SLC25A30: variants seen among roughly 807,000 people sequenced by gnomAD.
SLC25A30 encodes the protein kidney mitochondrial carrier protein 1.
SLC25A30 carries 29 observed loss-of-function variants against 42.7 expected under a neutral mutation model. The ratio of observed to expected loss-of-function variants is 0.68; its 90% CI spans 0.51 to 0.93. The LOEUF (loss-of-function observed/expected upper bound fraction) is 0.93, where lower values mean the gene tolerates loss of function less well. Among genes scored for constraint, SLC25A30 ranks in the 40% least tolerant of loss-of-function variants. SLC25A30 has a pLI of 0.00. For missense variants in SLC25A30, 300 were observed against 359.7 expected, an observed-to-expected ratio of 0.83 and a Z score of 1.34; for synonymous variants, 124 against 131.0, an observed-to-expected ratio of 0.95 and a Z score of 0.37.
chr13:45,399,793 C>A (rs1271681796), intron 7 of SLC25A30, among the ~76,000 whole-genome samples: 2 of 151,772 alleles, frequency 1.3e-5, no homozygotes, highest in Non-Finnish European at 2.9e-5. Context: ...AAAAGATCTC[C>A]TTACTATAAT....
At chr13:45,413,835 G>A (rs1229254241) in intron 1 of SLC25A30, among the ~76,000 whole-genome samples, 2 of 152,228 alleles carry the variant, frequency 1.3e-5, no homozygotes, top group Admixed American at 1.3e-4. Flanking sequence ...TTATAGGCCT[G>A]AGCCACCGTG....
upstream of SLC25A30, chr13:45,420,117 T>G (rs952183548): frequency 1.3e-5 from 2 of 152,248 alleles, no homozygotes; most frequent in African/African-American, 4.8e-5. Context: ...CATCCCTTGG[T>G]TCATTCAAGA....
chr13:45,430,290 GGAGTAAAGAGTA>G, the SLC25A30 span, among the ~76,000 whole-genome samples: 1 of 152,000 alleles, frequency 6.6e-6, no homozygotes, highest in Non-Finnish European at 1.5e-5. Context: ...ATGAGTGATA[GGAGTAAAGAGTA>G]AGTCTTTACT....
At chr13:45,401,062 T>A (rs77102193) in intron 7 of SLC25A30, 21 bp downstream of exon 7, 79 of 1,559,546 alleles carry the variant, frequency 5.1e-5, no homozygotes, top group Admixed American at 8.1e-5. Context: ...TATAATTTTT[T>A]AAAAAAAGCC....
the SLC25A30 span, among the ~76,000 whole-genome samples, chr13:45,430,349 T>C: frequency 2.0e-5 from 3 of 152,064 alleles, no homozygotes; most frequent in Non-Finnish European, 2.9e-5. Flanking sequence ...GATATCTCTA[T>C]AGAGATGGCA....
chr13:45,404,283 G>GA, intron 5 of SLC25A30, 44 bp downstream of exon 5: 1 of 1,326,130 alleles, frequency 7.5e-7, no homozygotes, highest in East Asian at 2.3e-5. Context: ...TTCTCAATAA[G>GA]AAAATGTGGA....
intron 5 of SLC25A30, chr13:45,402,890 C>T (rs1882134812): frequency 1.3e-6 from 1 of 766,822 alleles, no homozygotes; most frequent in Non-Finnish European, 1.6e-6. Context: ...CTGTTACACT[C>T]TGTTACACTT....
At chr13:45,424,567 A>T in the SLC25A30 span, among the ~76,000 whole-genome samples, 1 of 35,768 alleles carries the variant, frequency 2.8e-5, no homozygotes, top group Non-Finnish European at 5.4e-5. Context: ...ATATAAATGT[A>T]TAAATATATA....
Position 45,397,163 on chromosome 13 carries a change from C to T in SLC25A30, c.834+95G>A. 3 of 879,156 alleles carry T rather than the reference C, an allele frequency of 3.4e-6. No individual in the cohort carries two copies. In the South Asian group the frequency reaches 4.7e-5, roughly 14 times the overall value. The allele number at this position is 879,156 out of a possible 1,614,324, so 54.5% of individuals were successfully genotyped here. A position where few individuals can be genotyped will look rare whatever the true frequency, so the allele number is the denominator to read the frequency against. On this transcript the variant is annotated intron_variant, in intron 9 of 9. Transcript: ENST00000519676. ...CAGAGGAACTCAAAATAATCAGAAC[C>T]TACTTCTAAATTATAATTAATAACA...
intron 1 of SLC25A30, among the ~76,000 whole-genome samples, chr13:45,413,532 G>C (rs1883203529): frequency 6.6e-6 from 1 of 151,432 alleles, no homozygotes; most frequent in Non-Finnish European, 1.5e-5. Flanking sequence ...GACCAGCCTA[G>C]CCAACAGAGT....
chr13:45,426,792 G>A, the SLC25A30 span, among the ~76,000 whole-genome samples: 1 of 152,224 alleles, frequency 6.6e-6, no homozygotes, highest in African/African-American at 2.4e-5. Context: ...AAAGTCACAA[G>A]TATAAAATCA....
chr13:45,400,347 A>G (rs959361173), intron 7 of SLC25A30, among the ~76,000 whole-genome samples: 5 of 150,712 alleles, frequency 3.3e-5, no homozygotes, highest in African/African-American at 9.8e-5. Flanking sequence ...ACTTGAGCCC[A>G]GGAGGTAGAG....
chr13:45,397,693 C>G (rs1244143529), intron 8 of SLC25A30: 1 of 178,714 alleles, frequency 5.6e-6, no homozygotes, highest in African/African-American at 2.4e-5. Context: ...GAGACTCCAT[C>G]TCAAAAAATA....
At chr13:45,397,212 C>A (rs745515759) in intron 9 of SLC25A30, 46 bp downstream of exon 9, 2 of 1,239,184 alleles carry the variant, frequency 1.6e-6, no homozygotes, top group Non-Finnish European at 2.4e-6. Context: ...AAATAGTATT[C>A]TTTAGCTGTA....
At chr13:45,423,754 A>ATATAAATATT in the SLC25A30 span, among the ~76,000 whole-genome samples, 1 of 81,884 alleles carries the variant, frequency 1.2e-5, no homozygotes, top group East Asian at 3.6e-4. Flanking sequence ...ATATAAATAT[A>ATATAAATATT]TATAAATATA....
chr13:45,402,475 C>G (rs1016352379), intron 5 of SLC25A30, 105 bp from the exon 6 acceptor site: 13 of 914,810 alleles, frequency 1.4e-5, no homozygotes, highest in Non-Finnish European at 2.1e-5. Flanking sequence ...TGCTTAATAA[C>G]CATTAGCAAG....
Position 45,408,929 on chromosome 13 carries a change from C to A in SLC25A30, c.210G>T (p.Ser70=), listed in dbSNP as rs373778087. 1.2e-6 allele frequency: 2 copies of A among 1,607,074 alleles called. No homozygotes were observed. The highest frequency in any genetic ancestry group is 1.7e-5 in the Admixed American group (1 of 58,650). The change falls in exon 3 of 10, where the codon TCG becomes TCT. Residue 70 remains serine, a splice_region_variant and synonymous_variant. Coordinates refer to ENST00000519676, the MANE Select transcript of SLC25A30 (RefSeq NM_001010875.4). ...GAAATGCATGAAGGCCTACTCACCCCGAGTAGAGTGCTTTCAGCCCTTCTT... is the reference window on the plus strand; with the variant it reads ...GAAATGCATGAAGGCCTACTCACCCAGAGTAGAGTGCTTTCAGCCCTTCTT... ...GREEGLKALY[S]GIAPAMLRQA...
At chr13:45,404,155 T>C (rs1013880704) in intron 5 of SLC25A30, among the ~76,000 whole-genome samples, 172 bp downstream of exon 5, 1 of 152,232 alleles carries the variant, frequency 6.6e-6, no homozygotes, top group Non-Finnish European at 1.5e-5. Context: ...AGCTCATCTG[T>C]ATAAGTGGAA....
rs183834141 is a variant in SLC25A30 at position 45,405,767 on chromosome 13, C to G, written c.307+116G>C. The G allele has an allele frequency of 2.6e-5, 22 of 861,222 alleles. No individual in the cohort carries two copies. In the East Asian group the frequency reaches 5.8e-4, roughly 23 times the overall value. 53.3% of individuals were successfully genotyped at this position (861,222 alleles called of 1,614,324 possible). A position where few individuals can be genotyped will look rare whatever the true frequency, so the allele number is the denominator to read the frequency against. ...TAACTAAGACTTTACACCCAGAGTTCTTGTAGCAGTAGGAAAGTCACAAAT... is the reference window on the plus strand; with the variant it reads ...TAACTAAGACTTTACACCCAGAGTTGTTGTAGCAGTAGGAAAGTCACAAAT... On this transcript the variant is annotated intron_variant, in intron 4 of 9. Transcript: ENST00000519676.
Sources: gnomAD v4.1 joint callset for allele counts (sites outside exome capture counted in the v4.1 genomes callset) on GRCh38, gnomAD v4.1.1 for gene constraint, MANE v1.5 for transcripts, NCBI Gene and HGNC (gene_info 2026-07-23, HGNC 2026-07-21) for gene names.